Variants in CASTOR2 observed in about 807,000 individuals in gnomAD.
The protein encoded by CASTOR2 is GATS protein like 2.
In CASTOR2, 8 loss-of-function variants were observed where a neutral mutation model predicts 31.2. The observed-to-expected ratio is 0.26, with a 90% CI of 0.15 to 0.46. The LOEUF (loss-of-function observed/expected upper bound fraction) is 0.46. CASTOR2 is among the 20% of genes least tolerant of loss of function. The pLI is 0.99. For synonymous variants in CASTOR2, 162 were observed against 158.7 expected (o/e 1.02, Z -0.16); for missense variants, 216 against 382.1 (o/e 0.57, Z 3.62).
chr7:75,021,973 T>TCCTGGGGGTGAG lies in CASTOR2; in HGVS notation c.829+17_829+18insCCTGGGGGTGAG, dbSNP rs1805015914. 7.5e-4 allele frequency: 1,168 copies of TCCTGGGGGTGAG among 1,551,336 alleles called. 22 individuals are homozygous for TCCTGGGGGTGAG. The South Asian group carries it at 0.013, about 18-fold the overall frequency. On this transcript the variant is annotated intron_variant, in intron 7 of 8. Transcript: ENST00000616305. ...TGGGGTTTGGTGAGTCCTGGGGGGA[T>TCCTGGGGGTGAG]TACATGGGGAATTGAGGGAGCTGGC... is the stretch of plus-strand genomic sequence containing the variant.
chr7:75,031,321 A>G lies in CASTOR2; in HGVS notation c.*6622A>G, dbSNP rs1334714820. ...TCACCAGCAGCAGCAGCGGCGTTCC[A>G]TCGCTCCCAAGATCTGGGTGAAGGG... On this transcript the variant is annotated 3_prime_UTR_variant, in exon 9 of 9. Coordinates refer to ENST00000616305, the MANE Select transcript of CASTOR2 (RefSeq NM_001145064.3). 1.3e-5 allele frequency among the ~76,000 whole-genome samples: 2 copies of G among 151,940 alleles called. No individual in the cohort carries two copies. The highest frequency in any genetic ancestry group is 1.3e-4 in the Admixed American group (2 of 15,256).
chr7:75,012,987 T>C (rs1804788888), intron 2 of CASTOR2, among the ~76,000 whole-genome samples: 1 of 152,180 alleles, frequency 6.6e-6, no homozygotes, highest in Admixed American at 6.5e-5. Flanking sequence ...GGATTCTCAC[T>C]ATGTTGCCTA....
At chr7:74,977,181 T>A (rs2131918263) in intron 1 of CASTOR2, among the ~76,000 whole-genome samples, 2 of 102,310 alleles carry the variant, frequency 2.0e-5, no homozygotes, top group South Asian at 3.8e-4. Context: ...TGAAACTCCA[T>A]CTCAAAAAAA....
intron 6 of CASTOR2, among the ~76,000 whole-genome samples, chr7:75,021,209 C>T (rs1245512175): frequency 1.2e-4 from 19 of 152,168 alleles, no homozygotes; most frequent in Admixed American, 9.2e-4. Context: ...CCAGGCTGCT[C>T]GTGAACTCCT....
chr7:75,024,709 T>C lies in CASTOR2; in HGVS notation c.*10T>C. On this transcript the variant is annotated 3_prime_UTR_variant, in exon 9 of 9. Coordinates refer to ENST00000616305, the MANE Select transcript of CASTOR2 (RefSeq NM_001145064.3). ...AGCAGAGAAGCACTAGAAGGGTCTC[T>C]TCTGCTCCTCCCTGCCGCCGCCCGG... 1 of 1,551,530 alleles carries C rather than the reference T, an allele frequency of 6.4e-7. No individual in the cohort carries two copies. The highest frequency in any genetic ancestry group is 1.4e-5 in the African/African-American group (1 of 73,176).
At position 75,026,652 on chromosome 7, in the gene CASTOR2, A is replaced by G. The variant is rs1805140820; in HGVS notation, c.*1953A>G. Among the ~76,000 whole-genome samples the G allele has an allele frequency of 6.6e-6, 1 of 152,126 alleles. No individual in the cohort carries two copies. Among genetic ancestry groups the G allele is most frequent in the Non-Finnish European group, 1.5e-5 (1 of 68,036 alleles). ...GTGTTGAAGGCCCACCACATTAATT[A>G]GAAACCAACTTTTTTTTTTTTAAGT... is the stretch of plus-strand genomic sequence containing the variant. On this transcript the variant is annotated 3_prime_UTR_variant, in exon 9 of 9. Transcript: ENST00000616305.
In CASTOR2 at chr7:75,028,028, GTAA is replaced by G. The variant is rs1191206896; in HGVS notation, c.*3331_*3333del. On this transcript the variant is annotated 3_prime_UTR_variant, in exon 9 of 9. Transcript: ENST00000616305. ...CCTGTTTGCCGTCCATCCCCCGGAG[GTAA>G]TCAGAGGAGTGGGCCTGTTGTCTTG... is the stretch of plus-strand genomic sequence containing the variant. 1.3e-6 allele frequency: 2 copies of G among 1,534,746 alleles called. No homozygotes were observed. Among genetic ancestry groups the G allele is most frequent in the African/African-American group, 2.7e-5 (2 of 72,984 alleles).
intron 1 of CASTOR2, among the ~76,000 whole-genome samples, chr7:74,991,514 G>C (rs587661368): frequency 6.6e-6 from 1 of 151,886 alleles, no homozygotes; most frequent in Admixed American, 6.6e-5. Flanking sequence ...GGCTCGCCCA[G>C]AACTGGGAGC....
chr7:74,996,446 A>G (rs1804348778), intron 1 of CASTOR2, among the ~76,000 whole-genome samples: 1 of 152,022 alleles, frequency 6.6e-6, no homozygotes, highest in Non-Finnish European at 1.5e-5. Flanking sequence ...GTCCCAATTC[A>G]TAGTGTCAGG....
intron 6 of CASTOR2, among the ~76,000 whole-genome samples, chr7:75,020,639 G>A (rs1266815049): frequency 2.0e-5 from 3 of 150,348 alleles, no homozygotes; most frequent in African/African-American, 7.3e-5. Context: ...TACAGGCGCC[G>A]CCACCACGCC....
At chr7:74,982,395 C>G (rs1288134739) in intron 1 of CASTOR2, among the ~76,000 whole-genome samples, 1 of 151,840 alleles carries the variant, frequency 6.6e-6, no homozygotes, top group African/African-American at 2.4e-5. Context: ...GGGCTTGGCC[C>G]CAGGCGAGTG....
At chr7:75,015,536 C>T (rs1424690983) in intron 2 of CASTOR2, among the ~76,000 whole-genome samples, 1 of 152,114 alleles carries the variant, frequency 6.6e-6, no homozygotes, top group African/African-American at 2.4e-5. Context: ...CCTTGGCCTC[C>T]CAAAGCAGTG....
chr7:75,007,782 T>C (rs1260570735), intron 1 of CASTOR2: 5 of 679,596 alleles, frequency 7.4e-6, no homozygotes, highest in Non-Finnish European at 1.1e-5. Flanking sequence ...GGGGGTATAG[T>C]GGGGACAATC....
chr7:75,004,091 G>A (rs1162507312), intron 1 of CASTOR2, among the ~76,000 whole-genome samples: 1 of 152,120 alleles, frequency 6.6e-6, no homozygotes, highest in Non-Finnish European at 1.5e-5. Flanking sequence ...TTGCCTCCCC[G>A]GGGCTCTCGG....
rs1413780040 is a variant in CASTOR2, at chr7:74,999,027, G to A, written c.114-8967G>A. Reference sequence around the variant, plus strand: ...TTTTTGTTTTTTGAGATGGAGTCTCGCTCTGTTGCCCAGGCTGGGGTGCAG... The same window carrying A: ...TTTTTGTTTTTTGAGATGGAGTCTCACTCTGTTGCCCAGGCTGGGGTGCAG... On this transcript the variant is annotated intron_variant, in intron 1 of 8. Transcript: ENST00000616305. Among the ~76,000 whole-genome samples, 48 of 151,360 alleles carry A rather than the reference G, an allele frequency of 3.2e-4. No individual in the cohort carries two copies. In the South Asian group the frequency reaches 9.2e-3, roughly 29 times the overall value.
chr7:75,005,329 T>C (rs1804583668), intron 1 of CASTOR2, among the ~76,000 whole-genome samples: 1 of 152,174 alleles, frequency 6.6e-6, no homozygotes, highest in African/African-American at 2.4e-5. Context: ...GTCATATGAA[T>C]AGAAACATAC....
chr7:74,994,595 C>A (rs1384292201), intron 1 of CASTOR2, among the ~76,000 whole-genome samples: 1 of 151,880 alleles, frequency 6.6e-6, no homozygotes, highest in Non-Finnish European at 1.5e-5. Flanking sequence ...CTAAAAAATA[C>A]GAAAATTAGC....
chr7:75,010,802 T>A (rs1804725062), intron 2 of CASTOR2, among the ~76,000 whole-genome samples: 2 of 151,778 alleles, frequency 1.3e-5, no homozygotes, highest in African/African-American at 4.8e-5. Context: ...TGCTTAGAAA[T>A]CTATTATTGC....
At chr7:74,988,585 C>T (rs1804128343) in intron 1 of CASTOR2, among the ~76,000 whole-genome samples, 1 of 152,186 alleles carries the variant, frequency 6.6e-6, no homozygotes, top group African/African-American at 2.4e-5. Context: ...GCGTGAGCCA[C>T]CGCACCCGGC....
Sources: allele counts gnomAD v4.1 joint callset (sites outside exome capture counted in the v4.1 genomes callset), GRCh38; gene constraint gnomAD v4.1.1; transcripts MANE v1.5; gene names NCBI Gene and HGNC (gene_info 2026-07-23, HGNC 2026-07-21).